Variants in IGF1R observed in about 807,000 individuals in gnomAD.
IGF1R encodes the protein insulin-like growth factor 1 receptor.
In IGF1R, 44 loss-of-function variants were observed where a neutral mutation model predicts 144.6. The observed-to-expected ratio is 0.30, with a 90% CI of 0.24 to 0.39. The LOEUF (loss-of-function observed/expected upper bound fraction) is 0.39. IGF1R is among the 10% of genes least tolerant of loss of function. The pLI is 1.00. For synonymous variants in IGF1R, 795 were observed against 722.8 expected (o/e 1.10, Z -1.60); for missense variants, 1,355 against 1,833.7 (o/e 0.74, Z 4.77).
chr15:98,922,706 T>C (rs1278882992), intron 11 of IGF1R, among the ~76,000 whole-genome samples: 1 of 152,248 alleles, frequency 6.6e-6, no homozygotes, highest in East Asian at 1.9e-4. Flanking sequence ...CACCTGCTAC[T>C]TGGTGCACAT....
Position 98,848,474 on chromosome 15 carries a change from C to T in IGF1R, c.641-42851C>T, listed in dbSNP as rs146503959. Among the ~76,000 whole-genome samples, 14 of 152,320 alleles carry T rather than the reference C, an allele frequency of 9.2e-5. 1 individual carries two copies. In the East Asian group the frequency reaches 2.7e-3, roughly 29 times the overall value. ...GCAAGCATCCACTAAGGCATGGAGT[C>T]AGCTTCCGTCATTGTTAGATCAGTA... On this transcript the variant is annotated intron_variant, in intron 2 of 20. Coordinates refer to ENST00000650285, the MANE Select transcript of IGF1R (RefSeq NM_000875.5).
At chr15:98,914,724 C>T (rs2015168218) in intron 8 of IGF1R, among the ~76,000 whole-genome samples, 1 of 152,164 alleles carries the variant, frequency 6.6e-6, no homozygotes, top group Non-Finnish European at 1.5e-5. Flanking sequence ...AGATGGAAAC[C>T]AGGCACTGTA....
intron 1 of IGF1R, among the ~76,000 whole-genome samples, chr15:98,699,023 AG>A (rs2141245235): frequency 1.3e-5 from 2 of 152,360 alleles, no homozygotes; most frequent in African/African-American, 4.8e-5. Flanking sequence ...GTGAGAGGAC[AG>A]GGGACACAGG....
intron 5 of IGF1R, among the ~76,000 whole-genome samples, chr15:98,904,069 T>C (rs2014609126): frequency 6.7e-6 from 1 of 149,392 alleles, no homozygotes; most frequent in South Asian, 2.1e-4. Flanking sequence ...TTTTTTTTTT[T>C]TGAGATGGAG....
intron 2 of IGF1R, among the ~76,000 whole-genome samples, chr15:98,738,413 A>G (rs921426489): frequency 1.3e-5 from 2 of 152,190 alleles, no homozygotes; most frequent in East Asian, 1.9e-4. Context: ...GCTCTTGCCT[A>G]TAATCCAAGT....
At chr15:98,838,171 T>C (rs2011119729) in intron 2 of IGF1R, among the ~76,000 whole-genome samples, 1 of 152,214 alleles carries the variant, frequency 6.6e-6, no homozygotes, top group Non-Finnish European at 1.5e-5. Flanking sequence ...CTTCCATCAG[T>C]GGGACAAAGT....
chr15:98,854,893 A>G (rs529350353), intron 2 of IGF1R, among the ~76,000 whole-genome samples: 2 of 151,772 alleles, frequency 1.3e-5, no homozygotes, highest in African/African-American at 4.8e-5. Flanking sequence ...ACACGGTCTG[A>G]CTTTAGCCTG....
Position 98,765,308 on chromosome 15 carries a change from C to CTTTTTTTT in IGF1R, c.640+57222_640+57229dup, listed in dbSNP as rs139280569. On this transcript the variant is annotated intron_variant, in intron 2 of 20. Transcript: ENST00000650285. The stretch of plus-strand genomic sequence containing the variant: ...TCTCACCCAATGATCATGCCAACAC[C>CTTTTTTTT]TTTTTTTTTTTTTTTTTTTTTTTTT... Among the ~76,000 whole-genome samples, 15 of 61,822 alleles carry CTTTTTTTT rather than the reference C, an allele frequency of 2.4e-4. 3 individuals are homozygous for CTTTTTTTT. Among genetic ancestry groups the CTTTTTTTT allele is most frequent in the African/African-American group, 9.3e-4 (14 of 15,024 alleles). The allele number at this position is 61,822 out of a possible 152,430, so 40.6% of individuals were successfully genotyped here.
At position 98,935,504 on chromosome 15, in the gene IGF1R, G is replaced by C; in HGVS notation, c.3297+78G>C. 1.2e-6 allele frequency: 1 copy of C among 856,334 alleles called. No homozygotes were observed. Among genetic ancestry groups the C allele is most frequent in the South Asian group, 1.4e-5 (1 of 70,306 alleles). 53.0% of individuals were successfully genotyped at this position (856,334 alleles called of 1,614,324 possible). The stretch of plus-strand genomic sequence containing the variant: ...CTTTATAATCTCCCTGCAAGGAAAT[G>C]CTGTGTCTTTAAATCAGTTTACTTT... On this transcript the variant is annotated intron_variant, in intron 17 of 20. Transcript: ENST00000650285. This position sits in a 1 kb window ranked among gnomAD's most constrained non-coding sequence, Gnocchi z 4.2.
At chr15:98,863,712 A>T (rs544302555) in intron 2 of IGF1R, among the ~76,000 whole-genome samples, 6 of 152,316 alleles carry the variant, frequency 3.9e-5, no homozygotes, top group African/African-American at 1.4e-4. Flanking sequence ...CCTACAAAGG[A>T]GGTGAAGAAG....
intron 1 of IGF1R, among the ~76,000 whole-genome samples, chr15:98,662,609 A>G (rs2052626648): frequency 6.6e-6 from 1 of 151,744 alleles, no homozygotes. Context: ...AGTTGGGAAA[A>G]CTCAACTACT....
chr15:98,963,459 T>G lies in IGF1R; in HGVS notation c.*6017T>G. On this transcript the variant is annotated 3_prime_UTR_variant, in exon 21 of 21. Transcript: ENST00000650285. ...TGGTCATTTCCCTTTGGAGTGTAGC[T>G]ACTTTAACAGATGGAAAGAACCTCA... is the stretch of plus-strand genomic sequence containing the variant. 4.3e-6 allele frequency: 1 copy of G among 233,296 alleles called. No homozygotes were observed. 14.5% of individuals were successfully genotyped at this position (233,296 alleles called of 1,614,324 possible).
intron 1 of IGF1R, among the ~76,000 whole-genome samples, chr15:98,654,784 CAT>C (rs144874812): frequency 0.019 from 2,847 of 152,234 alleles, 85 homozygotes; most frequent in African/African-American, 0.063. Flanking sequence ...TAGTTGCACA[CAT>C]GTTACGGATA....
chr15:98,677,701 G>C (rs1230864421), intron 1 of IGF1R, among the ~76,000 whole-genome samples: 1 of 152,164 alleles, frequency 6.6e-6, no homozygotes, highest in East Asian at 1.9e-4. Flanking sequence ...GTCTGTTTCA[G>C]GCAGGAAGAA....
intron 1 of IGF1R, among the ~76,000 whole-genome samples, chr15:98,682,694 C>T (rs554325236): frequency 2.6e-5 from 4 of 152,010 alleles, no homozygotes; most frequent in Admixed American, 6.5e-5. Flanking sequence ...ATTACAGGCA[C>T]GTGCCACCAT....
intron 2 of IGF1R, among the ~76,000 whole-genome samples, chr15:98,821,228 G>A (rs2056795592): frequency 6.6e-6 from 1 of 151,786 alleles, no homozygotes; most frequent in African/African-American, 2.4e-5. Flanking sequence ...GTGCGCTTCT[G>A]GTTTTTCCCT....
chr15:98,661,620 T>C (rs1194304653), intron 1 of IGF1R, among the ~76,000 whole-genome samples: 1 of 152,224 alleles, frequency 6.6e-6, no homozygotes, highest in Non-Finnish European at 1.5e-5. Flanking sequence ...GCGGTTTGCA[T>C]ATGTGCAGGG....
intron 2 of IGF1R, among the ~76,000 whole-genome samples, chr15:98,780,571 AAAAAGAGAGAG>A (rs768614276): frequency 1.2e-4 from 9 of 76,038 alleles, no homozygotes; most frequent in Non-Finnish European, 2.3e-4. Context: ...AAAAAAAAAA[AAAAAGAGAGAG>A]AGAGTAAATA....
At chr15:98,741,625 G>A (rs1235235912) in intron 2 of IGF1R, among the ~76,000 whole-genome samples, 1 of 152,208 alleles carries the variant, frequency 6.6e-6, no homozygotes, top group African/African-American at 2.4e-5. Flanking sequence ...CAAGGGTGAA[G>A]AACAGAGCTA....
Sources: gnomAD v4.1 joint callset for allele counts (sites outside exome capture counted in the v4.1 genomes callset) on GRCh38, gnomAD v4.1.1 for gene constraint, Gnocchi (gnomAD v3.1) non-coding constraint, MANE v1.5 for transcripts, NCBI Gene and HGNC (gene_info 2026-07-23, HGNC 2026-07-21) for gene names.